RABGAP1L: variants seen among roughly 807,000 people sequenced by gnomAD.
RABGAP1L encodes the protein rab GTPase-activating protein 1-like.
Under a neutral mutation model 137.7 loss-of-function variants are expected in RABGAP1L, and 63 were observed. That is an observed-to-expected ratio of 0.46 (90% confidence interval 0.37 to 0.56). The LOEUF (loss-of-function observed/expected upper bound fraction) is 0.56, where lower values mean the gene tolerates loss of function less well. RABGAP1L is among the 20% of genes least tolerant of loss of function. RABGAP1L has a pLI of 0.00. For missense variants in RABGAP1L, 1,095 were observed against 1,244.0 expected, an observed-to-expected ratio of 0.88 and a Z score of 1.80; for synonymous variants, 431 against 433.7, an observed-to-expected ratio of 0.99 and a Z score of 0.08.
intron 1 of RABGAP1L, among the ~76,000 whole-genome samples, chr1:174,201,458 A>G (rs1411305530): frequency 1.3e-5 from 2 of 152,128 alleles, no homozygotes; most frequent in East Asian, 1.9e-4. Flanking sequence ...TTGGCCTCCC[A>G]AGGGGCTGGG....
At chr1:174,722,442 T>C (rs970067579) in intron 17 of RABGAP1L, among the ~76,000 whole-genome samples, 1 of 152,136 alleles carries the variant, frequency 6.6e-6, no homozygotes, top group African/African-American at 2.4e-5. Context: ...TTTTCCTTTT[T>C]TATCGCAAGC....
At chr1:174,205,333 G>A (rs1312051897) in intron 1 of RABGAP1L, among the ~76,000 whole-genome samples, 1 of 152,146 alleles carries the variant, frequency 6.6e-6, no homozygotes, top group Middle Eastern at 3.2e-3. Context: ...CTCCTCCTCA[G>A]TTTTTTGGAA....
At chr1:174,823,173 C>T (rs1015836058) in intron 19 of RABGAP1L, among the ~76,000 whole-genome samples, 1 of 152,060 alleles carries the variant, frequency 6.6e-6, no homozygotes, top group Non-Finnish European at 1.5e-5. Flanking sequence ...TTCCCTGCAC[C>T]TAATTCACGC....
chr1:174,569,300 G>A (rs538331427), intron 13 of RABGAP1L, among the ~76,000 whole-genome samples: 8 of 152,168 alleles, frequency 5.3e-5, no homozygotes, highest in Non-Finnish European at 1.2e-4. Context: ...GAGTTGGCTT[G>A]TACCATCTGA....
rs538735090 is a variant in RABGAP1L at position 174,792,234 on chromosome 1, A to G, written c.2212-19598A>G. On this transcript the variant is annotated intron_variant, in intron 18 of 25. Coordinates refer to ENST00000681986, the MANE Select transcript of RABGAP1L (RefSeq NM_001366446.1). ...GTTTTCTAGGGTCCAACAAGGTTTC[A>G]TTACTTTATTATTCTGTTATATCTA... is the stretch of plus-strand genomic sequence containing the variant. Among the ~76,000 whole-genome samples, 3 of 152,264 alleles carry G rather than the reference A, an allele frequency of 2.0e-5. No individual in the cohort carries two copies. The East Asian group carries it at 5.8e-4, about 29-fold the overall frequency.
intron 9 of RABGAP1L, among the ~76,000 whole-genome samples, chr1:174,276,425 GTGAGCCACTGCACC>G (rs1372368379): frequency 6.6e-6 from 1 of 152,126 alleles, no homozygotes; most frequent in Non-Finnish European, 1.5e-5. Flanking sequence ...GATTACAGAT[GTGAGCCACTGCACC>G]TGGCCTGAAT....
chr1:174,323,450 A>G (rs982393725), intron 11 of RABGAP1L, among the ~76,000 whole-genome samples: 1 of 152,120 alleles, frequency 6.6e-6, no homozygotes, highest in Non-Finnish European at 1.5e-5. Context: ...TGCTTAAAAG[A>G]TAGTATTTTT....
chr1:174,296,035 G>C (rs1239093929), intron 10 of RABGAP1L, among the ~76,000 whole-genome samples: 3 of 152,146 alleles, frequency 2.0e-5, no homozygotes, highest in African/African-American at 7.2e-5. Context: ...AAATTGGAGA[G>C]GAGGAGGATT....
intron 10 of RABGAP1L, among the ~76,000 whole-genome samples, chr1:174,300,393 C>T (rs1013568472): frequency 8.6e-5 from 13 of 151,804 alleles, no homozygotes; most frequent in Non-Finnish European, 1.3e-4. Flanking sequence ...GTTGTGGTGG[C>T]GCATGCCTGT....
At chr1:174,777,331 T>C (rs750199469) in intron 18 of RABGAP1L, among the ~76,000 whole-genome samples, 5 of 152,234 alleles carry the variant, frequency 3.3e-5, no homozygotes, top group South Asian at 2.1e-4. Context: ...CTCAGAACTA[T>C]TGGCATTTTG....
chr1:174,571,315 C>CA (rs1169732915), intron 13 of RABGAP1L, among the ~76,000 whole-genome samples: 22 of 150,724 alleles, frequency 1.5e-4, no homozygotes, highest in African/African-American at 4.4e-4. Flanking sequence ...GAGGGATGGG[C>CA]AAAAAAAATA....
chr1:174,563,431 T>C (rs898300277), intron 13 of RABGAP1L, among the ~76,000 whole-genome samples: 7 of 152,338 alleles, frequency 4.6e-5, no homozygotes, highest in African/African-American at 1.7e-4. Flanking sequence ...GTTCAAATCC[T>C]GGCTCTACTT....
At chr1:174,500,773 T>C (rs75263863) in intron 13 of RABGAP1L, among the ~76,000 whole-genome samples, 7,252 of 152,152 alleles carry the variant, frequency 0.048, 278 homozygotes, top group Non-Finnish European at 0.075. Context: ...CAGCTCCTGA[T>C]TGAGAAGGAA....
intron 19 of RABGAP1L, among the ~76,000 whole-genome samples, chr1:174,931,990 G>GTTTTTTTTTTTTTT (rs532860564): frequency 2.0e-4 from 14 of 69,646 alleles, no homozygotes; most frequent in Non-Finnish European, 2.4e-4. Flanking sequence ...TGCTTTTTTG[G>GTTTTTTTTTTTTTT]TTTTTTTTTT....
At chr1:174,311,758 C>A (rs1433702485) in intron 11 of RABGAP1L, among the ~76,000 whole-genome samples, 1 of 152,188 alleles carries the variant, frequency 6.6e-6, no homozygotes, top group Admixed American at 6.5e-5. Context: ...GGGTGTCCAG[C>A]ACCATGCCTG....
chr1:174,817,210 A>G (rs774583828), intron 19 of RABGAP1L, among the ~76,000 whole-genome samples: 8 of 152,180 alleles, frequency 5.3e-5, no homozygotes, highest in Non-Finnish European at 7.4e-5. Flanking sequence ...TTTCACTTGT[A>G]TTTCATTAGT....
intron 13 of RABGAP1L, among the ~76,000 whole-genome samples, chr1:174,492,538 C>A (rs1429050333): frequency 6.6e-6 from 1 of 151,862 alleles, no homozygotes; most frequent in African/African-American, 2.4e-5. Context: ...TTAGTAGAGA[C>A]GGGGTTTCAC....
chr1:174,987,896 G>A (rs764725718), intron 24 of RABGAP1L, among the ~76,000 whole-genome samples: 1 of 152,066 alleles, frequency 6.6e-6, no homozygotes, highest in Non-Finnish European at 1.5e-5. Context: ...TGCAAGCTCC[G>A]CCTCCCGGGT....
At chr1:174,497,285 C>T (rs1316220532) in intron 13 of RABGAP1L, among the ~76,000 whole-genome samples, 1 of 152,124 alleles carries the variant, frequency 6.6e-6, no homozygotes, top group Non-Finnish European at 1.5e-5. Context: ...ATAGTAATAG[C>T]TAACATTAGT....
Sources: gnomAD v4.1 joint callset for allele counts (sites outside exome capture counted in the v4.1 genomes callset) on GRCh38, gnomAD v4.1.1 for gene constraint, MANE v1.5 for transcripts, NCBI Gene and HGNC (gene_info 2026-07-23, HGNC 2026-07-21) for gene names.